The following SDF4 variants were observed in gnomAD, a reference collection of about 807,000 sequenced individuals.
SDF4 encodes 45 kDa calcium-binding protein.
SDF4 carries 22 observed loss-of-function variants against 34.2 expected under a neutral mutation model. That is an observed-to-expected ratio of 0.64 (90% CI 0.46 to 0.92). The LOEUF (loss-of-function observed/expected upper bound fraction) is 0.92. SDF4 is among the 40% of genes least tolerant of loss of function. The pLI, the probability that SDF4 is intolerant of heterozygous loss-of-function variation, is 0.00. For missense variants in SDF4, 447 were observed against 499.9 expected (o/e 0.89, Z 1.01); for synonymous variants, 236 against 203.1 (o/e 1.16, Z -1.38).
intron 4 of SDF4, chr1:1,220,282 G>A (rs541205115): frequency 9.3e-6 from 10 of 1,073,510 alleles, no homozygotes; most frequent in South Asian, 2.8e-5. Flanking sequence ...AGAAGAGGAC[G>A]CAGACCCAGA....
intron 3 of SDF4, 81 bp downstream of exon 3, chr1:1,223,751 C>A: frequency 7.8e-7 from 1 of 1,282,740 alleles, no homozygotes; most frequent in South Asian, 1.3e-5. Flanking sequence ...CAGGGCCTGT[C>A]TGCCCTCCAG....
rs552896840 is a variant in SDF4, at chr1:1,222,402, G to A, written c.556+842C>T. Among the ~76,000 whole-genome samples the A allele has an allele frequency of 4.0e-3, 562 of 139,472 alleles. 2 individuals carry two copies. The highest frequency in any genetic ancestry group is 0.011 in the Middle Eastern group (3 of 282). The allele number at this position is 139,472 out of a possible 152,430, so 91.5% of individuals were successfully genotyped here. A position where few individuals can be genotyped will look rare whatever the true frequency, so the allele number is the denominator to read the frequency against. Reference sequence around the variant, plus strand: ...CCCCACCCGGCCCCACCCTCTTCACGCAGAGGCACCAGCTTGGACCCGCCC... The same window carrying A: ...CCCCACCCGGCCCCACCCTCTTCACACAGAGGCACCAGCTTGGACCCGCCC... On this transcript the variant is annotated intron_variant, in intron 4 of 6. Coordinates refer to ENST00000360001, the MANE Select transcript of SDF4 (RefSeq NM_016176.6).
intron 2 of SDF4, 40 bp from the exon 3 acceptor site, chr1:1,224,008 C>G: frequency 5.6e-6 from 9 of 1,601,684 alleles, no homozygotes; most frequent in Non-Finnish European, 7.6e-6. Context: ...TCAGACTGGG[C>G]CCCCAGGACC....
rs1650137616 is a variant in SDF4, at chr1:1,223,930, T to C, written c.344A>G (p.Glu115Gly). The C allele has an allele frequency of 6.2e-7, 1 of 1,611,458 alleles. No individual in the cohort carries two copies. Among genetic ancestry groups the C allele is most frequent in the Non-Finnish European group, 8.5e-7 (1 of 1,179,780 alleles). ...CTTCTCCATGATCCAGCGCTGCATC[T>C]CCTTGGCACTGATCTTCCGGTCAGT... ...VNTDRKISAK[E>G]MQRWIMEKTA... The change falls in exon 3 of 7, where the codon GAG becomes GGG. Residue 115 changes from glutamate to glycine, a missense_variant. Transcript: ENST00000360001.
chr1:1,218,310 CG>C lies in SDF4; in HGVS notation c.891+147del. The C allele has an allele frequency of 1.2e-6, 1 of 827,118 alleles. No homozygotes were observed. 51.2% of individuals were successfully genotyped at this position (827,118 alleles called of 1,614,324 possible). A position where few individuals can be genotyped will look rare whatever the true frequency, so the allele number is the denominator to read the frequency against. On this transcript the variant is annotated intron_variant, in intron 6 of 6. Coordinates refer to ENST00000360001, the MANE Select transcript of SDF4 (RefSeq NM_016176.6). This position sits in a 1 kb window ranked among gnomAD's most constrained non-coding sequence, Gnocchi z 7.9. Reference sequence around the variant, plus strand: ...AACGGCCATGCAGCCTGGTGGACACCGCTGAGCAAACGCCCCAGTGACCAGC... The same window carrying C: ...AACGGCCATGCAGCCTGGTGGACACCCTGAGCAAACGCCCCAGTGACCAGC...
Position 1,228,713 on chromosome 1 carries a change from C to G in SDF4, c.60G>C (p.Gly20=). ...CAGACGCGTCCATCAGAAGGACTGC[C>G]CCCAGGAGCCAGAGGCAGCACGGAG... is the stretch of plus-strand genomic sequence containing the variant. The part of the protein sequence containing the change: ...GLAPCCLWLL[G]AVLLMDASAR... Residue 20 remains glycine (G), a synonymous_variant, in exon 2 of 7, where the codon GGG becomes GGC. Transcript: ENST00000360001. 1 of 1,612,878 alleles carries G rather than the reference C, an allele frequency of 6.2e-7. No individual in the cohort carries two copies. Among genetic ancestry groups the G allele is most frequent in the Non-Finnish European group, 8.5e-7 (1 of 1,180,012 alleles).
At position 1,223,925 on chromosome 1, in the gene SDF4, G is replaced by A; in HGVS notation, c.349C>T (p.Gln117Ter). ...GCCGTCTTCTCCATGATCCAGCGCT[G>A]CATCTCCTTGGCACTGATCTTCCGG... ...TDRKISAKEM[Q>*]RWIMEKTAEH... The change falls in exon 3 of 7, where the codon CAG (glutamine) becomes TAG (stop). Residue 117 changes from glutamine (Q) to a stop codon, truncating the protein, a stop_gained. Coordinates refer to ENST00000360001, the MANE Select transcript of SDF4 (RefSeq NM_016176.6). LOFTEE classifies it high-confidence loss of function. 3.1e-6 allele frequency: 5 copies of A among 1,611,522 alleles called. No individual in the cohort carries two copies. Among genetic ancestry groups the A allele is most frequent in the Non-Finnish European group, 4.2e-6 (5 of 1,179,852 alleles).
rs777725227 is a variant in SDF4, at chr1:1,217,701, G to C, written c.892-13C>G. ...GGTCCATGTAGCTCTGCGGGCGAGCGGGGCACAGGTCAGCGTCGCCTTTCC... is the reference window on the plus strand; with the variant it reads ...GGTCCATGTAGCTCTGCGGGCGAGCCGGGCACAGGTCAGCGTCGCCTTTCC... On this transcript the variant is annotated splice_polypyrimidine_tract_variant and intron_variant, in intron 6 of 6. Transcript: ENST00000360001. This position sits in a 1 kb window ranked among gnomAD's most constrained non-coding sequence, Gnocchi z 8.5. 6.2e-7 allele frequency: 1 copy of C among 1,613,378 alleles called. No individual in the cohort carries two copies. Among genetic ancestry groups the C allele is most frequent in the Middle Eastern group, 1.7e-4 (1 of 6,060 alleles).
rs1570473442 is a variant in SDF4 at position 1,217,882 on chromosome 1, C to T, written c.892-194G>A. On this transcript the variant is annotated intron_variant, in intron 6 of 6. Transcript: ENST00000360001. This position sits in a 1 kb window ranked among gnomAD's most constrained non-coding sequence, Gnocchi z 8.5. ...AGCCGGGGGCCCCGGAAGGCCTGCC[C>T]GGGGCCAGCAGGGGTAACGGGGCAC... The T allele has an allele frequency of 2.4e-5, 35 of 1,438,848 alleles. No individual in the cohort carries two copies. The highest frequency in any genetic ancestry group is 1.6e-4 in the Admixed American group (6 of 38,466). The allele number at this position is 1,438,848 out of a possible 1,614,324, so 89.1% of individuals were successfully genotyped here. A position where few individuals can be genotyped will look rare whatever the true frequency, so the allele number is the denominator to read the frequency against.
At chr1:1,223,179 CACA>C (rs765195152) in intron 4 of SDF4, 62 bp downstream of exon 4, 3 of 1,128,938 alleles carry the variant, frequency 2.7e-6, no homozygotes, top group South Asian at 2.5e-5. Flanking sequence ...CTCATGTACA[CACA>C]ACACACGCGC....
Position 1,218,370 on chromosome 1 carries a change from C to T in SDF4, c.891+88G>A. 7.0e-7 allele frequency: 1 copy of T among 1,420,390 alleles called. No individual in the cohort carries two copies. The highest frequency in any genetic ancestry group is 2.4e-5 in the East Asian group (1 of 42,150). The allele number at this position is 1,420,390 out of a possible 1,614,324, so 88.0% of individuals were successfully genotyped here. ...AGTCTCAGGCCAGACACCAGCACAG[C>T]TTCCTGCCTCAGGCCCAGATCCACC... On this transcript the variant is annotated intron_variant, in intron 6 of 6. Transcript: ENST00000360001. The surrounding 1 kb of genome is among the most constrained non-coding windows in gnomAD (Gnocchi z 7.9).
chr1:1,218,968 G>A lies in SDF4; in HGVS notation c.557-41C>T, dbSNP rs372162006. 1.1e-5 allele frequency: 18 copies of A among 1,612,414 alleles called. No homozygotes were observed. The highest frequency in any genetic ancestry group is 4.5e-5 in the East Asian group (2 of 44,880). Reference sequence around the variant, plus strand: ...CCTGTGGGTATCGAGGCCGACAGACGCCAGCACGCAAATCCAGAAAGTTCC... The same window carrying A: ...CCTGTGGGTATCGAGGCCGACAGACACCAGCACGCAAATCCAGAAAGTTCC... On this transcript the variant is annotated intron_variant, in intron 4 of 6. Coordinates refer to ENST00000360001, the MANE Select transcript of SDF4 (RefSeq NM_016176.6). This position sits in a 1 kb window ranked among gnomAD's most constrained non-coding sequence, Gnocchi z 7.9.
At chr1:1,222,153 G>A (rs561422645) in intron 4 of SDF4, among the ~76,000 whole-genome samples, 25 of 152,352 alleles carry the variant, frequency 1.6e-4, no homozygotes, top group Non-Finnish European at 3.4e-4. Flanking sequence ...GGGCAGCGAC[G>A]GAGCAGGCGA....
At chr1:1,220,616 G>A (rs1383791678) in intron 4 of SDF4, 3 of 1,289,052 alleles carry the variant, frequency 2.3e-6, no homozygotes, top group Admixed American at 4.6e-5. Flanking sequence ...ACCTCAGCAT[G>A]CATGGGGACC....
At position 1,218,481 on chromosome 1, in the gene SDF4, T is replaced by C; in HGVS notation, c.868A>G (p.Ile290Val). The change falls in exon 6 of 7, where the codon ATC (isoleucine) becomes GTC (valine). Residue 290 changes from isoleucine to valine, a missense_variant. Coordinates refer to ENST00000360001, the MANE Select transcript of SDF4 (RefSeq NM_016176.6). The surrounding 1 kb of genome is among the most constrained non-coding windows in gnomAD (Gnocchi z 7.9). ...ACCTCCAGCTCCTCGGCGGTCACGA[T>C]GCCGTCGTGGTTGGAGTCAATGAGC... ...EELIDSNHDG[I>V]VTAEELESYM... is the part of the protein sequence containing the mutation. 3.1e-6 allele frequency: 5 copies of C among 1,612,976 alleles called. No homozygotes were observed. Among genetic ancestry groups the C allele is most frequent in the African/African-American group, 1.3e-5 (1 of 75,058 alleles).
In SDF4 at chr1:1,221,700, C is replaced by CCTAT. The variant is rs567558203; in HGVS notation, c.556+1540_556+1543dup. Among the ~76,000 whole-genome samples the CCTAT allele has an allele frequency of 1.0e-3, 156 of 152,244 alleles. 1 individual carries two copies. The highest frequency in any genetic ancestry group is 3.6e-3 in the African/African-American group (150 of 41,532). ...CTAAGACTAGGCGCAGTGGCTCACG[C>CCTAT]CTATAATCCCAGCACTTTGGGAGAC... On this transcript the variant is annotated intron_variant, in intron 4 of 6. Transcript: ENST00000360001.
intron 3 of SDF4, 136 bp downstream of exon 3, chr1:1,223,696 C>T (rs976090597): frequency 1.1e-5 from 9 of 851,514 alleles, no homozygotes; most frequent in Non-Finnish European, 1.4e-5. Flanking sequence ...CCCCACCACA[C>T]CTCGGGGTCT....
intron 4 of SDF4, chr1:1,220,067 G>A: frequency 1.0e-6 from 1 of 986,516 alleles, no homozygotes; most frequent in Non-Finnish European, 1.2e-6. Context: ...TCCAGGAGAG[G>A]CACAGACGCC....
At chr1:1,219,211 C>G in intron 4 of SDF4, 1 of 1,251,488 alleles carries the variant, frequency 8.0e-7, no homozygotes, top group Non-Finnish European at 1.0e-6. Context: ...GGACCCCCCC[C>G]TGCCCCAGAC....
Sources: gnomAD v4.1 joint callset for allele counts (sites outside exome capture counted in the v4.1 genomes callset) on GRCh38, gnomAD v4.1.1 for gene constraint, Gnocchi (gnomAD v3.1) non-coding constraint, MANE v1.5 for transcripts, NCBI Gene and HGNC (gene_info 2026-07-23, HGNC 2026-07-21) for gene names.